URI1: variants seen among roughly 807,000 people sequenced by gnomAD.
The protein encoded by URI1 is URI1 prefoldin like chaperone.
Under a neutral mutation model 60.2 loss-of-function variants are expected in URI1, and 39 were observed. The observed-to-expected ratio is 0.65, with a 90% CI of 0.50 to 0.85. URI1 has a LOEUF of 0.85. Ranked by LOEUF, URI1 falls within the 40% of genes least tolerant of loss-of-function variation. URI1 has a pLI of 0.00. For missense variants in URI1, 691 were observed against 665.9 expected, an observed-to-expected ratio of 1.04 and a Z score of -0.42; for synonymous variants, 251 against 236.8, an observed-to-expected ratio of 1.06 and a Z score of -0.55.
rs767677021 is a variant in URI1, at chr19:30,007,506, C to T, written c.554C>T (p.Pro185Leu). ...ATTGCTCATAAACCGCATTCCAAACCAAAAACTTCAGATATTTTTGAAGCA... is the reference window on the plus strand; with the variant it reads ...ATTGCTCATAAACCGCATTCCAAACTAAAAACTTCAGATATTTTTGAAGCA... ...HRIAHKPHSK[P>L]KTSDIFEADI... Residue 185 changes from proline to leucine, a missense_variant, in exon 7 of 11, where the codon CCA (proline) becomes CTA (leucine). By Grantham distance (98) the Pro-to-Leu change is moderately conservative. Transcript: ENST00000392271. 1 of 1,612,970 alleles carries T rather than the reference C, an allele frequency of 6.2e-7. No individual in the cohort carries two copies. The highest frequency in any genetic ancestry group is 8.5e-7 in the Non-Finnish European group (1 of 1,179,446).
At chr19:29,950,954 A>G (rs2055172097) in intron 1 of URI1, among the ~76,000 whole-genome samples, 1 of 152,210 alleles carries the variant, frequency 6.6e-6, no homozygotes, top group South Asian at 2.1e-4. Context: ...TCATGAAGAA[A>G]CAAACATTTT....
chr19:29,986,480 C>T, intron 4 of URI1, 63 bp downstream of exon 4: 1 of 1,550,334 alleles, frequency 6.5e-7, no homozygotes, highest in South Asian at 1.2e-5. Context: ...GATTGCCAAG[C>T]TGAAGGGCTG....
rs1456046009 is a variant in URI1 at position 30,009,286 on chromosome 19, A to G, written c.968A>G (p.Glu323Gly). The G allele has an allele frequency of 1.9e-6, 3 of 1,614,096 alleles. No homozygotes were observed. In the South Asian group the frequency reaches 3.3e-5, roughly 18 times the overall value. Residue 323 changes from glutamate to glycine, a missense_variant, in exon 8 of 11, where the codon GAG (glutamate) becomes GGG (glycine). Glu to Gly is a moderately conservative substitution (Grantham distance 98). Coordinates refer to ENST00000392271, the MANE Select transcript of URI1 (RefSeq NM_003796.3). ...GACGATGATGGTGATAACGACCATG[A>G]GGCTTTAGGGGTTGGAGATAATTCT... ...IDDDDGDNDH[E>G]ALGVGDNSIP...
At chr19:29,948,635 G>A (rs1012741576) in intron 1 of URI1, among the ~76,000 whole-genome samples, 2 of 152,120 alleles carry the variant, frequency 1.3e-5, no homozygotes, top group African/African-American at 4.8e-5. Context: ...CACAGCACAT[G>A]TTTCAGAGAG....
chr19:29,938,769 C>T (rs1428177899), upstream of URI1, among the ~76,000 whole-genome samples: 2 of 151,256 alleles, frequency 1.3e-5, no homozygotes, highest in South Asian at 2.1e-4. Flanking sequence ...CTCTGCCTCC[C>T]GGGTTCATGC....
At chr19:29,946,006 T>A (rs1428916854) in intron 1 of URI1, among the ~76,000 whole-genome samples, 1 of 152,214 alleles carries the variant, frequency 6.6e-6, no homozygotes, top group Non-Finnish European at 1.5e-5. Flanking sequence ...GTTTATTTCT[T>A]GGTTACTTCA....
At position 30,009,081 on chromosome 19, in the gene URI1, G is replaced by A. The variant is rs150496764; in HGVS notation, c.763G>A (p.Val255Met). 3.7e-6 allele frequency: 6 copies of A among 1,613,846 alleles called. No homozygotes were observed. In the African/African-American group the frequency reaches 4.0e-5, roughly 11 times the overall value. The change falls in exon 8 of 11, where the codon GTG becomes ATG. Residue 255 changes from valine (V) to methionine (M), a missense_variant. By Grantham distance (21) the Val-to-Met change is conservative. Coordinates refer to ENST00000392271, the MANE Select transcript of URI1 (RefSeq NM_003796.3). The part of the protein sequence containing the change: ...EEEKEDRNTN[V>M]NAMHQVTDSH... ...GGAAAAGGAAGATCGTAACACAAAT[G>A]TGAATGCGATGCATCAAGTAACAGA...
intron 1 of URI1, among the ~76,000 whole-genome samples, chr19:29,964,024 G>A (rs1180368342): frequency 6.6e-6 from 1 of 152,164 alleles, no homozygotes; most frequent in African/African-American, 2.4e-5. Flanking sequence ...GACCTCTCTT[G>A]TGCTCTCATT....
chr19:29,942,671 A>G lies in URI1; in HGVS notation c.117+7A>G. 7.1e-7 allele frequency: 1 copy of G among 1,402,028 alleles called. No homozygotes were observed. The highest frequency in any genetic ancestry group is 1.6e-5 in the South Asian group (1 of 61,614). The allele number at this position is 1,402,028 out of a possible 1,614,324, so 86.8% of individuals were successfully genotyped here. On this transcript the variant is annotated splice_region_variant and intron_variant, in intron 1 of 10. Transcript: ENST00000392271. ...GCGCGAGGAGCAGGAAAAGGTAACTAGCAGCCCCGCGCCGCTTCCGCCTCC... is the reference window on the plus strand; with the variant it reads ...GCGCGAGGAGCAGGAAAAGGTAACTGGCAGCCCCGCGCCGCTTCCGCCTCC...
Position 29,942,571 on chromosome 19 carries a change from G to GC in URI1, c.30dup (p.Asp11ArgfsTer33), listed in dbSNP as rs2055042558. ...TCATGGAGGCGCCCACCGTGGAGACGCCCCCCGACCCCTCGCCCCCTTCGG... is the reference window on the plus strand; with the variant it reads ...TCATGGAGGCGCCCACCGTGGAGACGCCCCCCCGACCCCTCGCCCCCTTCGG... On this transcript the variant is annotated frameshift_variant, in exon 1 of 11. Coordinates refer to ENST00000392271, the MANE Select transcript of URI1 (RefSeq NM_003796.3). LOFTEE classifies it high-confidence loss of function. 1 of 1,422,856 alleles carries GC rather than the reference G, an allele frequency of 7.0e-7. No individual in the cohort carries two copies. The highest frequency in any genetic ancestry group is 1.4e-5 in the South Asian group (1 of 70,738). The allele number at this position is 1,422,856 out of a possible 1,614,324, so 88.1% of individuals were successfully genotyped here.
chr19:29,956,807 G>C (rs335056), intron 1 of URI1: 1,520,277 of 1,597,244 alleles, frequency 0.95, 723,782 homozygotes, highest in East Asian at 1. Flanking sequence ...TCTGTTACCC[G>C]ACCATTTGTC....
chr19:29,994,904 C>A lies in URI1; in HGVS notation c.367+8487C>A, dbSNP rs535792239. Among the ~76,000 whole-genome samples the A allele has an allele frequency of 4.8e-3, 730 of 152,118 alleles. 8 individuals carry two copies. The highest frequency in any genetic ancestry group is 0.017 in the African/African-American group (693 of 41,472). The stretch of plus-strand genomic sequence containing the variant: ...TCAAGAGCCTTCCTGCCTCAGCCTC[C>A]TGAGTAGCTGGGACTACAGGTGTGC... On this transcript the variant is annotated intron_variant, in intron 4 of 10. Coordinates refer to ENST00000392271, the MANE Select transcript of URI1 (RefSeq NM_003796.3).
At chr19:29,929,273 C>T (rs1172761160) in intron 1 of URI1, among the ~76,000 whole-genome samples, 3 of 152,084 alleles carry the variant, frequency 2.0e-5, no homozygotes, top group African/African-American at 4.8e-5. Context: ...TTCTCTACAT[C>T]CTTGCCAACA....
At chr19:29,964,434 G>A (rs1434351281) in intron 1 of URI1, among the ~76,000 whole-genome samples, 2 of 150,666 alleles carry the variant, frequency 1.3e-5, no homozygotes, top group African/African-American at 4.9e-5. Context: ...ACTGACAGTG[G>A]TGGTTTCTTT....
intron 6 of URI1, among the ~76,000 whole-genome samples, chr19:30,006,386 G>T (rs1332104473): frequency 2.0e-5 from 3 of 152,106 alleles, no homozygotes; most frequent in Admixed American, 6.6e-5. Flanking sequence ...TTGACTTTCA[G>T]CACTCATATT....
intron 1 of URI1, among the ~76,000 whole-genome samples, chr19:29,959,236 C>T (rs1246957771): frequency 3.3e-5 from 5 of 152,104 alleles, no homozygotes; most frequent in Non-Finnish European, 5.9e-5. Context: ...GTGATCCTCT[C>T]GCCTCAGTCT....
chr19:30,014,754 T>C (rs2056063951), intron 10 of URI1, 133 bp from the exon 11 acceptor site: 1 of 723,974 alleles, frequency 1.4e-6, no homozygotes, highest in African/African-American at 1.8e-5. Context: ...AGTATTTTGG[T>C]GTAGTAGTGT....
chr19:29,929,539 G>A (rs2054898538), intron 1 of URI1, among the ~76,000 whole-genome samples: 1 of 152,128 alleles, frequency 6.6e-6, no homozygotes, highest in African/African-American at 2.4e-5. Flanking sequence ...GGAGGTTGCA[G>A]TGAGCTGAGA....
intron 1 of URI1, among the ~76,000 whole-genome samples, chr19:29,965,564 T>A (rs762633289): frequency 1.3e-5 from 2 of 152,256 alleles, no homozygotes; most frequent in African/African-American, 2.4e-5. Context: ...TTCATATGTT[T>A]CATTGCAAAT....
Sources: gnomAD v4.1 joint callset for allele counts (sites outside exome capture counted in the v4.1 genomes callset) on GRCh38, gnomAD v4.1.1 for gene constraint, MANE v1.5 for transcripts, NCBI Gene and HGNC (gene_info 2026-07-23, HGNC 2026-07-21) for gene names.